Variants in TMEFF2 observed in about 807,000 individuals in gnomAD.
TMEFF2 encodes the protein transmembrane protein with EGF like and two follistatin like domains 2, also known as tomoregulin-2.
Under a neutral mutation model 53.8 loss-of-function variants are expected in TMEFF2, and 28 were observed. The ratio of observed to expected loss-of-function variants is 0.52; its 90% CI spans 0.39 to 0.71. The LOEUF is 0.71. Among genes scored for constraint, TMEFF2 ranks in the 30% least tolerant of loss-of-function variants. TMEFF2 has a pLI of 0.00. For missense variants in TMEFF2, 353 were observed against 455.2 expected (o/e 0.78, Z 2.04); for synonymous variants, 162 against 166.3 (o/e 0.97, Z 0.20).
intron 4 of TMEFF2, among the ~76,000 whole-genome samples, chr2:192,100,516 T>C (rs149824845): frequency 2.7e-4 from 41 of 152,294 alleles, no homozygotes; most frequent in Middle Eastern, 3.4e-3. Context: ...ACTACTGTGA[T>C]ACTTAGTGAA....
At chr2:192,188,881 A>G (rs1462025861) in intron 2 of TMEFF2, among the ~76,000 whole-genome samples, 4 of 139,196 alleles carry the variant, frequency 2.9e-5, no homozygotes, top group South Asian at 2.3e-4. Context: ...CTATCTATCT[A>G]TCTGTCCATC....
intron 7 of TMEFF2, among the ~76,000 whole-genome samples, chr2:191,982,371 G>C (rs970198231): frequency 6.6e-6 from 1 of 152,092 alleles, no homozygotes; most frequent in African/African-American, 2.4e-5. Flanking sequence ...CTGAGGATTA[G>C]TGTATAGCAA....
intron 4 of TMEFF2, among the ~76,000 whole-genome samples, chr2:192,083,981 C>A (rs918874637): frequency 1.3e-5 from 2 of 151,982 alleles, no homozygotes; most frequent in East Asian, 3.9e-4. Context: ...TTACTACCAC[C>A]ACTAGAATCA....
At chr2:192,193,755 GATAGAT>G (rs371709281) in intron 1 of TMEFF2, among the ~76,000 whole-genome samples, 7,043 of 38,546 alleles carry the variant, frequency 0.18, 522 homozygotes, top group East Asian at 0.25. Context: ...GAGAGAGATA[GATAGAT>G]AGAGAGAGAG....
At chr2:192,049,561 G>A (rs1432258799) in intron 5 of TMEFF2, among the ~76,000 whole-genome samples, 1 of 152,120 alleles carries the variant, frequency 6.6e-6, no homozygotes, top group Non-Finnish European at 1.5e-5. Flanking sequence ...GACAGGAATC[G>A]CTGACTCAGA....
intron 4 of TMEFF2, among the ~76,000 whole-genome samples, chr2:192,062,573 G>A (rs1228596580): frequency 6.6e-6 from 1 of 152,042 alleles, no homozygotes; most frequent in Non-Finnish European, 1.5e-5. Context: ...ATTATTGTTG[G>A]TGGTGGTTTT....
chr2:192,015,995 A>C (rs1407083040), intron 5 of TMEFF2, among the ~76,000 whole-genome samples: 1 of 152,232 alleles, frequency 6.6e-6, no homozygotes, highest in Non-Finnish European at 1.5e-5. Flanking sequence ...ATTAAACATA[A>C]GGTCTGTACA....
chr2:192,188,737 A>G (rs1691378643), intron 2 of TMEFF2, among the ~76,000 whole-genome samples: 1 of 152,172 alleles, frequency 6.6e-6, no homozygotes, highest in Non-Finnish European at 1.5e-5. Flanking sequence ...TGATCACTGC[A>G]TGACCAGGGT....
At chr2:191,973,743 C>T (rs557169218) in intron 7 of TMEFF2, among the ~76,000 whole-genome samples, 1 of 152,282 alleles carries the variant, frequency 6.6e-6, no homozygotes, top group East Asian at 1.9e-4. Context: ...CCCCACATGT[C>T]ACAGGAGGGA....
intron 5 of TMEFF2, among the ~76,000 whole-genome samples, chr2:192,040,280 A>T (rs1312926005): frequency 6.6e-6 from 1 of 151,964 alleles, no homozygotes; most frequent in East Asian, 1.9e-4. Flanking sequence ...TTTTCCTTTA[A>T]ATCTATTATT....
At chr2:192,049,433 C>T (rs748523389) in intron 5 of TMEFF2, among the ~76,000 whole-genome samples, 9 of 152,106 alleles carry the variant, frequency 5.9e-5, no homozygotes, top group Non-Finnish European at 8.8e-5. Context: ...GTGTCTGACA[C>T]GCTTTGGAAA....
intron 4 of TMEFF2, chr2:192,179,294 T>G (rs1196017682): frequency 1.1e-5 from 2 of 188,330 alleles, no homozygotes; most frequent in Non-Finnish European, 2.2e-5. Context: ...TTGAGAGCAG[T>G]GTCATATATT....
chr2:191,999,668 G>A (rs1686309219), intron 5 of TMEFF2, among the ~76,000 whole-genome samples: 1 of 151,906 alleles, frequency 6.6e-6, no homozygotes, highest in Non-Finnish European at 1.5e-5. Context: ...TAAATTATTT[G>A]GCATGCAATC....
intron 5 of TMEFF2, among the ~76,000 whole-genome samples, chr2:192,000,787 G>GA (rs1686338734): frequency 1.3e-5 from 2 of 152,168 alleles, no homozygotes; most frequent in South Asian, 4.1e-4. Flanking sequence ...TTTTGTAAGA[G>GA]AATTGCTGTA....
At chr2:192,165,744 TA>T (rs5837289) in intron 4 of TMEFF2, among the ~76,000 whole-genome samples, 53,183 of 144,352 alleles carry the variant, frequency 0.37, 9,381 homozygotes, top group East Asian at 0.45. Context: ...GTCTCCGAGG[TA>T]AAAAAAAAAA....
intron 4 of TMEFF2, among the ~76,000 whole-genome samples, chr2:192,114,064 T>TTGTGTGTGTGTGTG (rs34553641): frequency 4.2e-5 from 6 of 143,060 alleles, no homozygotes; most frequent in African/African-American, 1.3e-4. Context: ...AATCTGGAAA[T>TTGTGTGTGTGTGTG]TGTGTGTGTG....
chr2:192,052,868 A>G (rs182723889), intron 5 of TMEFF2, among the ~76,000 whole-genome samples: 1 of 152,344 alleles, frequency 6.6e-6, no homozygotes, highest in East Asian at 1.9e-4. Context: ...TATTATGAGA[A>G]TGGATGTACT....
chr2:192,069,857 C>T (rs2105914489), intron 4 of TMEFF2, among the ~76,000 whole-genome samples: 1 of 151,312 alleles, frequency 6.6e-6, no homozygotes, highest in South Asian at 2.1e-4. Context: ...GCTTTCATTC[C>T]TAGCTGCATC....
At chr2:192,099,138 C>A (rs995582290) in intron 4 of TMEFF2, among the ~76,000 whole-genome samples, 1 of 151,928 alleles carries the variant, frequency 6.6e-6, no homozygotes, top group African/African-American at 2.4e-5. Flanking sequence ...GAACTCCTTC[C>A]CTATTTTCCT....
Sources: gnomAD v4.1 joint callset for allele counts (sites outside exome capture counted in the v4.1 genomes callset) on GRCh38, gnomAD v4.1.1 for gene constraint, MANE v1.5 for transcripts, NCBI Gene and HGNC (gene_info 2026-07-23, HGNC 2026-07-21) for gene names.